JDP2: variants seen among roughly 807,000 people sequenced by gnomAD.
JDP2 encodes the protein Jun dimerization protein 2, also known as progesterone receptor co-activator.
In JDP2, 9 loss-of-function variants were observed where a neutral mutation model predicts 17.1. The observed-to-expected ratio is 0.53, with a 90% CI of 0.32 to 0.92. The LOEUF is 0.92. JDP2 is among the 40% of genes least tolerant of loss of function. JDP2 has a pLI of 0.04. For synonymous variants in JDP2, 107 were observed against 95.6 expected, an observed-to-expected ratio of 1.12 and a Z score of -0.69; for missense variants, 179 against 220.0, an observed-to-expected ratio of 0.81 and a Z score of 1.18.
intron 3 of JDP2, among the ~76,000 whole-genome samples, chr14:75,464,950 G>C (rs1441618180): frequency 6.6e-6 from 1 of 152,210 alleles, no homozygotes; most frequent in Non-Finnish European, 1.5e-5. Context: ...TAGCAATAAT[G>C]CTATCTCACA....
chr14:75,435,273 C>T (rs1031656131), intron 1 of JDP2, among the ~76,000 whole-genome samples: 2 of 152,230 alleles, frequency 1.3e-5, no homozygotes, highest in African/African-American at 4.8e-5. Flanking sequence ...CACTAGGCTC[C>T]AGTCCAGCTC....
At chr14:75,437,224 C>T (rs377334113) in intron 1 of JDP2, among the ~76,000 whole-genome samples, 16 of 150,514 alleles carry the variant, frequency 1.1e-4, no homozygotes, top group Admixed American at 1.1e-3. Flanking sequence ...CTGGGTTCCA[C>T]AGGGAAAGCA....
In JDP2 at chr14:75,474,043, CTA is replaced by C. The variant is rs1886865825; in HGVS notation, c.*4570_*4571del. 6.6e-6 allele frequency: 1 copy of C among 152,100 alleles called. No individual in the cohort carries two copies. Among genetic ancestry groups the C allele is most frequent in the Non-Finnish European group, 1.5e-5 (1 of 68,022 alleles). The allele number at this position is 152,100 out of a possible 1,614,324, so 9.4% of individuals were successfully genotyped here. A position where few individuals can be genotyped will look rare whatever the true frequency, so the allele number is the denominator to read the frequency against. On this transcript the variant is annotated 3_prime_UTR_variant, in exon 4 of 4. Transcript: ENST00000651602. ...TGGGTGATGTGTGCACAGATGTGGGCTATCTTCTCCACACTCCTCTGTATATT... is the reference window on the plus strand; with the variant it reads ...TGGGTGATGTGTGCACAGATGTGGGCTCTTCTCCACACTCCTCTGTATATT...
At chr14:75,458,904 A>C (rs1886227826) in intron 2 of JDP2, among the ~76,000 whole-genome samples, 1 of 152,156 alleles carries the variant, frequency 6.6e-6, no homozygotes, top group Non-Finnish European at 1.5e-5. Context: ...GTGATGCAGG[A>C]GGGGATGAAC....
At chr14:75,443,377 T>C (rs942238488) in intron 2 of JDP2, among the ~76,000 whole-genome samples, 6 of 152,210 alleles carry the variant, frequency 3.9e-5, no homozygotes, top group East Asian at 3.8e-4. Flanking sequence ...TGGTTTTTAA[T>C]TGTGGCTCTT....
intron 2 of JDP2, among the ~76,000 whole-genome samples, chr14:75,458,667 C>G (rs1257001245): frequency 6.6e-6 from 1 of 152,084 alleles, no homozygotes; most frequent in Non-Finnish European, 1.5e-5. Flanking sequence ...GATTTATATT[C>G]CTTGGGGTAT....
At chr14:75,441,283 T>C (rs1345135523) in intron 2 of JDP2, among the ~76,000 whole-genome samples, 1 of 152,010 alleles carries the variant, frequency 6.6e-6, no homozygotes, top group African/African-American at 2.4e-5. Context: ...TAAAAGAAAA[T>C]GGGAGGAATT....
intron 2 of JDP2, among the ~76,000 whole-genome samples, chr14:75,453,212 C>G (rs1023015359): frequency 3.3e-5 from 5 of 152,154 alleles, no homozygotes. Context: ...CTTAGTGCAG[C>G]CCTGTTTATG....
chr14:75,458,928 G>T (rs1216703231), intron 2 of JDP2, among the ~76,000 whole-genome samples: 1 of 152,234 alleles, frequency 6.6e-6, no homozygotes, highest in African/African-American at 2.4e-5. Context: ...GCTGGAGAGG[G>T]GAGGAGGAGC....
At chr14:75,435,001 G>A (rs1884997307) in intron 1 of JDP2, among the ~76,000 whole-genome samples, 1 of 152,218 alleles carries the variant, frequency 6.6e-6, no homozygotes, top group Non-Finnish European at 1.5e-5. Context: ...GGTCACCCGG[G>A]CAACAACCAG....
At chr14:75,432,395 C>G in intron 1 of JDP2, 3 of 1,484,266 alleles carry the variant, frequency 2.0e-6, no homozygotes, top group Non-Finnish European at 2.8e-6. Context: ...TGGACTCCTG[C>G]CCTCCGCATC....
chr14:75,445,411 C>T (rs1178897193), intron 2 of JDP2: 7 of 985,254 alleles, frequency 7.1e-6, no homozygotes, highest in South Asian at 4.7e-5. Flanking sequence ...TTTTACTGAG[C>T]GTAGTGCATG....
chr14:75,446,961 C>G (rs1007856143), intron 2 of JDP2, among the ~76,000 whole-genome samples: 33 of 152,270 alleles, frequency 2.2e-4, no homozygotes, highest in African/African-American at 7.0e-4. Context: ...TTAAAACCCC[C>G]TTTTAGACCA....
At chr14:75,429,811 T>C (rs1439532683) in intron 1 of JDP2, among the ~76,000 whole-genome samples, 3 of 152,196 alleles carry the variant, frequency 2.0e-5, no homozygotes, top group Non-Finnish European at 2.9e-5. Flanking sequence ...CCCTTCTACT[T>C]TGGCTTTGGT....
chr14:75,452,408 G>T (rs908595361), intron 2 of JDP2, among the ~76,000 whole-genome samples: 5 of 152,148 alleles, frequency 3.3e-5, no homozygotes, highest in Admixed American at 2.0e-4. Flanking sequence ...GCTTATTAAA[G>T]ATGAGCCCCA....
rs76741604 is a variant in JDP2, at chr14:75,445,496, C to T, written c.201+7375C>T. The T allele has an allele frequency of 8.0e-3, 7,911 of 985,328 alleles. 46 individuals are homozygous for T. Among genetic ancestry groups the T allele is most frequent in the East Asian group, 0.022 (193 of 8,808 alleles). 61.0% of individuals were successfully genotyped at this position (985,328 alleles called of 1,614,324 possible). A position where few individuals can be genotyped will look rare whatever the true frequency, so the allele number is the denominator to read the frequency against. On this transcript the variant is annotated intron_variant, in intron 2 of 3. Transcript: ENST00000651602. ...CACCCTACCAACTCCCCAGTCCCCG[C>T]GAATAAAAACCCTTGCCTTTTTGGA...
intron 2 of JDP2, among the ~76,000 whole-genome samples, chr14:75,440,455 G>A (rs1342705588): frequency 6.6e-6 from 1 of 152,244 alleles, no homozygotes. Flanking sequence ...ATGGCAAACT[G>A]CCTTGAGCGG....
chr14:75,469,019 G>A (rs1886691280), intron 3 of JDP2, among the ~76,000 whole-genome samples: 5 of 152,376 alleles, frequency 3.3e-5, no homozygotes, highest in Admixed American at 3.3e-4. Flanking sequence ...CACTGAAGCT[G>A]GGGTGGATTG....
Position 75,469,583 on chromosome 14 carries a change from G to A in JDP2, c.*108G>A, listed in dbSNP as rs1480376822. On this transcript the variant is annotated 3_prime_UTR_variant, in exon 4 of 4. Transcript: ENST00000651602. ...CCCTTCCTTTGGTGCATGAAAAACT[G>A]TACAATGAGGTTCAGCACAGCCAGC... is the stretch of plus-strand genomic sequence containing the variant. 30 of 927,490 alleles carry A rather than the reference G, an allele frequency of 3.2e-5. No homozygotes were observed. In the East Asian group the frequency reaches 7.7e-4, roughly 24 times the overall value. 57.5% of individuals were successfully genotyped at this position (927,490 alleles called of 1,614,324 possible).
Sources: allele counts gnomAD v4.1 joint callset (sites outside exome capture counted in the v4.1 genomes callset), GRCh38; gene constraint gnomAD v4.1.1; transcripts MANE v1.5; gene names NCBI Gene and HGNC (gene_info 2026-07-23, HGNC 2026-07-21).